The following HMCN2 variants were observed in gnomAD, a reference collection of about 807,000 sequenced individuals.
HMCN2 encodes hemicentin-2.
In HMCN2, 325 loss-of-function variants were observed where a neutral mutation model predicts 377.5. The ratio of observed to expected loss-of-function variants is 0.86; its 90% CI spans 0.79 to 0.94. The LOEUF (loss-of-function observed/expected upper bound fraction) is 0.94, where lower values mean the gene tolerates loss of function less well. HMCN2 is among the 40% of genes least tolerant of loss of function. HMCN2 has a pLI of 0.00. For synonymous variants in HMCN2, 2,007 were observed against 2,046.8 expected (o/e 0.98, Z 0.53); for missense variants, 4,543 against 4,725.3 (o/e 0.96, Z 1.13).
At chr9:130,281,560 T>C (rs1835121128) in intron 1 of HMCN2, among the ~76,000 whole-genome samples, 1 of 150,990 alleles carries the variant, frequency 6.6e-6, no homozygotes, top group African/African-American at 2.4e-5. Context: ...ATCGCGCCAC[T>C]GCACTCCAGC....
intron 5 of HMCN2, 85 bp downstream of exon 5, chr9:130,295,111 G>A (rs1161004934): frequency 1.2e-5 from 4 of 330,484 alleles, no homozygotes; most frequent in African/African-American, 8.9e-5. Flanking sequence ...GAGACCAAGG[G>A]TGACAGGGCT....
At chr9:130,330,078 C>A (rs1226248303) in intron 22 of HMCN2, among the ~76,000 whole-genome samples, 1 of 151,574 alleles carries the variant, frequency 6.6e-6, no homozygotes, top group Non-Finnish European at 1.5e-5. Context: ...CTTGTCCTTC[C>A]TTCTCCAAGG....
At chr9:130,357,338 G>C (rs1478463984) in intron 34 of HMCN2, among the ~76,000 whole-genome samples, 1 of 140,002 alleles carries the variant, frequency 7.1e-6, no homozygotes, top group Non-Finnish European at 1.5e-5. Context: ...GGATGGATGA[G>C]TGGATGAATG....
chr9:130,422,930 C>G lies in HMCN2; in HGVS notation c.13381+204C>G, dbSNP rs1844104574. Among the ~76,000 whole-genome samples, 1 of 152,168 alleles carries G rather than the reference C, an allele frequency of 6.6e-6. No homozygotes were observed. Among genetic ancestry groups the G allele is most frequent in the Non-Finnish European group, 1.5e-5 (1 of 68,038 alleles). Reference sequence around the variant, plus strand: ...GATGCAGGCAACTTCCTGTCCCCCTCACAACCTCCCAAAAACAAAGGAACT... The same window carrying G: ...GATGCAGGCAACTTCCTGTCCCCCTGACAACCTCCCAAAAACAAAGGAACT... On this transcript the variant is annotated intron_variant, in intron 87 of 97. Coordinates refer to ENST00000683500, the MANE Select transcript of HMCN2 (RefSeq NM_001291815.2). This position sits in a 1 kb window ranked among gnomAD's most constrained non-coding sequence, Gnocchi z 4.2.
chr9:130,295,191 TG>T (rs1157719162), intron 5 of HMCN2, among the ~76,000 whole-genome samples, 165 bp downstream of exon 5: 2 of 151,938 alleles, frequency 1.3e-5, no homozygotes, highest in African/African-American at 4.8e-5. Context: ...AGGGCGCCCA[TG>T]GTGTGCGAGG....
intron 56 of HMCN2, among the ~76,000 whole-genome samples, 162 bp from the exon 57 acceptor site, chr9:130,383,342 G>T (rs548785045): frequency 6.6e-6 from 1 of 152,138 alleles, no homozygotes; most frequent in Non-Finnish European, 1.5e-5. Context: ...GCTCCTGAGC[G>T]CCACACAAGG....
chr9:130,344,890 G>T (rs1839265246), intron 25 of HMCN2, among the ~76,000 whole-genome samples: 1 of 126,490 alleles, frequency 7.9e-6, no homozygotes, highest in Non-Finnish European at 1.7e-5. Context: ...ATGGTGTTTG[G>T]TGTATGTGGT....
chr9:130,356,153 C>A lies in HMCN2; in HGVS notation c.5321C>A (p.Thr1774Lys). 1.5e-6 allele frequency: 2 copies of A among 1,302,860 alleles called. No individual in the cohort carries two copies. Among genetic ancestry groups the A allele is most frequent in the Non-Finnish European group, 2.0e-6 (2 of 988,838 alleles). The allele number at this position is 1,302,860 out of a possible 1,614,324, so 80.7% of individuals were successfully genotyped here. Reference sequence around the variant, plus strand: ...GTGCAGGTGGCCTCGCAGGGGACCACACTGCACATTGACCATGTGGAGCTG... The same window carrying A: ...GTGCAGGTGGCCTCGCAGGGGACCAAACTGCACATTGACCATGTGGAGCTG... The part of the protein sequence containing the change: ...AGVQVASQGT[T>K]LHIDHVELDH... The change falls in exon 34 of 98, where the codon ACA (threonine) becomes AAA (lysine). Residue 1774 changes from threonine (T) to lysine (K), a missense_variant. By Grantham distance (78) the Thr-to-Lys change is moderately conservative (BLOSUM62 -1). Around this residue, in one of 5 missense-constraint regions of HMCN2, gnomAD observed 1,032 missense variants for 1,285.1 expected, o/e 0.80. Coordinates refer to ENST00000683500, the MANE Select transcript of HMCN2 (RefSeq NM_001291815.2).
At chr9:130,358,748 ACCG>A (rs1840190364) in intron 36 of HMCN2, among the ~76,000 whole-genome samples, 1 of 150,570 alleles carries the variant, frequency 6.6e-6, no homozygotes, top group Non-Finnish European at 1.5e-5. Context: ...ATCTCGGCTC[ACCG>A]CAAGCTCCGC....
intron 76 of HMCN2, among the ~76,000 whole-genome samples, chr9:130,400,082 G>A (rs760076236): frequency 2.0e-5 from 3 of 152,208 alleles, no homozygotes; most frequent in Non-Finnish European, 2.9e-5. Flanking sequence ...GTTTGCACAC[G>A]CTGTTGCCTT....
chr9:130,427,107 A>G (rs1233596738), intron 90 of HMCN2, among the ~76,000 whole-genome samples: 1 of 152,184 alleles, frequency 6.6e-6, no homozygotes, highest in African/African-American at 2.4e-5. Context: ...GGAGCCCTTC[A>G]GGACACATTT....
chr9:130,385,545 A>T lies in HMCN2; in HGVS notation c.9107-15A>T. The T allele has an allele frequency of 7.7e-7, 1 of 1,301,600 alleles. No individual in the cohort carries two copies. Among genetic ancestry groups the T allele is most frequent in the Non-Finnish European group, 1.0e-6 (1 of 986,740 alleles). The allele number at this position is 1,301,600 out of a possible 1,614,324, so 80.6% of individuals were successfully genotyped here. A position where few individuals can be genotyped will look rare whatever the true frequency, so the allele number is the denominator to read the frequency against. ...GACAGCTGCAGCACCTCACTCTGCT[A>T]TCTCCTGCCCCCAGTTCCCCCGGCC... On this transcript the variant is annotated splice_polypyrimidine_tract_variant and intron_variant, in intron 59 of 97. Transcript: ENST00000683500.
At chr9:130,417,840 G>A (rs1442883366) in intron 85 of HMCN2, among the ~76,000 whole-genome samples, 2 of 152,202 alleles carry the variant, frequency 1.3e-5, no homozygotes, top group African/African-American at 4.8e-5. Flanking sequence ...GGCACACAGC[G>A]CCCCACCTTG....
intron 97 of HMCN2, 40 bp downstream of exon 97, chr9:130,432,595 A>G (rs1409860836): frequency 1.3e-6 from 2 of 1,542,548 alleles, no homozygotes; most frequent in South Asian, 2.4e-5. Context: ...CCTCAGGAAA[A>G]GCACATTTTT....
At chr9:130,431,203 GA>G in intron 95 of HMCN2, 163 bp from the exon 96 acceptor site, 1 of 693,786 alleles carries the variant, frequency 1.4e-6, no homozygotes. Context: ...CAAGCACAGG[GA>G]CTCCCCCAAC....
chr9:130,364,963 A>T (rs1840614671), intron 41 of HMCN2, 74 bp downstream of exon 41: 3 of 890,212 alleles, frequency 3.4e-6, no homozygotes, highest in Non-Finnish European at 4.0e-6. Flanking sequence ...CAGGTGCCCC[A>T]GCTCAGTGAC....
chr9:130,431,972 C>T (rs965458113), intron 96 of HMCN2, among the ~76,000 whole-genome samples: 2 of 152,236 alleles, frequency 1.3e-5, no homozygotes, highest in Non-Finnish European at 2.9e-5. Flanking sequence ...ATGCTGCTTC[C>T]TCCACTCTAA....
In HMCN2 at chr9:130,396,261, C is replaced by T. The variant is rs1351255038; in HGVS notation, c.11146C>T (p.Pro3716Ser). ...LPCQADGVPA[P>S]LVSWRKDRVP... ...TTGCCAGGCCGACGGCGTGCCCGCA[C>T]CCCTCGTGAGCTGGCGGAAGGACAG... Residue 3716 changes from proline to serine, a missense_variant, in exon 73 of 98, where the codon CCC becomes TCC. This residue lies in a region of HMCN2 where 1,073 missense variants were observed against 1,319.5 expected (regional missense o/e 0.81). Coordinates refer to ENST00000683500, the MANE Select transcript of HMCN2 (RefSeq NM_001291815.2). The T allele has an allele frequency of 7.8e-7, 1 of 1,286,086 alleles. No homozygotes were observed. The highest frequency in any genetic ancestry group is 1.2e-5 in the South Asian group (1 of 80,938). The allele number at this position is 1,286,086 out of a possible 1,614,324, so 79.7% of individuals were successfully genotyped here. A position where few individuals can be genotyped will look rare whatever the true frequency, so the allele number is the denominator to read the frequency against.
At chr9:130,270,286 TGTTTGTTTG>T (rs1554920635) in intron 1 of HMCN2, among the ~76,000 whole-genome samples, 15 of 80,340 alleles carry the variant, frequency 1.9e-4, no homozygotes, top group African/African-American at 8.2e-4. Context: ...TTTGTTTGTT[TGTTTGTTTG>T]TTTTTTTTTT....
Sources: gnomAD v4.1 joint callset for allele counts (sites outside exome capture counted in the v4.1 genomes callset) on GRCh38, gnomAD v4.1.1 for gene constraint, gnomAD v4.1.1 regional missense constraint, Gnocchi (gnomAD v3.1) non-coding constraint, MANE v1.5 for transcripts, NCBI Gene and HGNC (gene_info 2026-07-23, HGNC 2026-07-21) for gene names.